Variants in TENT5C observed in about 807,000 individuals in gnomAD.
TENT5C encodes the protein terminal nucleotidyltransferase 5C.
In TENT5C, 5 loss-of-function variants were observed where a neutral mutation model predicts 22.2. The observed-to-expected ratio is 0.22, with a 90% CI of 0.12 to 0.47. TENT5C has a LOEUF of 0.47. Ranked by LOEUF, TENT5C falls within the 20% of genes least tolerant of loss-of-function variation. The probability of loss-of-function intolerance (pLI) is 0.99; values close to 1 mark genes in which losing one functional copy is unlikely to be tolerated. For synonymous variants in TENT5C, 199 were observed against 195.4 expected (o/e 1.02, Z -0.15); for missense variants, 364 against 500.9 (o/e 0.73, Z 2.61).
chr1:117,614,451 C>CTCA (rs909700709), intron 1 of TENT5C, among the ~76,000 whole-genome samples: 2 of 152,156 alleles, frequency 1.3e-5, no homozygotes, highest in African/African-American at 4.8e-5. Context: ...GGTGTCCAGT[C>CTCA]TCAGGTTCAG....
intron 1 of TENT5C, among the ~76,000 whole-genome samples, chr1:117,620,713 G>T (rs1182531133): frequency 1.3e-5 from 2 of 152,138 alleles, no homozygotes; most frequent in Admixed American, 6.5e-5. Flanking sequence ...CATATTAGAT[G>T]CTCCTAGGAG....
rs138953844 is a variant in TENT5C, at chr1:117,623,378, C to G, written c.510C>G (p.Val170=). 3.1e-6 allele frequency: 5 copies of G among 1,614,110 alleles called. No individual in the cohort carries two copies. The South Asian group carries it at 5.5e-5, about 18-fold the overall frequency. ...GGAAGAACGTGGAGCTGAAGTTTGT[C>G]GACTCCATTCGGCGTCAGTTTGAGT... is the stretch of plus-strand genomic sequence containing the variant. ...KNGKNVELKF[V]DSIRRQFEFS... is the part of the protein sequence containing the mutation. Residue 170 remains valine, a synonymous_variant, in exon 2 of 2, where the codon GTC becomes GTG. Transcript: ENST00000369448.
At position 117,623,533 on chromosome 1, in the gene TENT5C, C is replaced by A. The variant is rs754073638; in HGVS notation, c.665C>A (p.Ala222Asp). 3 of 1,613,976 alleles carry A rather than the reference C, an allele frequency of 1.9e-6. No individual in the cohort carries two copies. The highest frequency in any genetic ancestry group is 2.5e-6 in the Non-Finnish European group (3 of 1,180,002). ...GESMYGDFEE[A>D]FDHLQNRLIA... ...AGCATGTACGGGGACTTTGAGGAAGCTTTTGACCATCTGCAGAACAGACTG... is the reference window on the plus strand; with the variant it reads ...AGCATGTACGGGGACTTTGAGGAAGATTTTGACCATCTGCAGAACAGACTG... Residue 222 changes from alanine to aspartate, a missense_variant, in exon 2 of 2, where the codon GCT becomes GAT. Physicochemically the swap from Ala to Asp is moderately radical, Grantham distance 126. Around this residue, in one of 3 missense-constraint regions of TENT5C, gnomAD observed 303 missense variants for 394.5 expected, o/e 0.77. Coordinates refer to ENST00000369448, the MANE Select transcript of TENT5C (RefSeq NM_017709.4).
chr1:117,623,156 T>G lies in TENT5C; in HGVS notation c.288T>G (p.His96Gln), dbSNP rs190981033. The change falls in exon 2 of 2, where the codon CAT (histidine) becomes CAG (glutamine). Residue 96 changes from histidine (H) to glutamine (Q), a missense_variant. Around this residue, in one of 3 missense-constraint regions of TENT5C, gnomAD observed 303 missense variants for 394.5 expected, o/e 0.77. Transcript: ENST00000369448. ...LGCKDLDLIFHVALPTEAEFQ... is the reference protein window; with the variant it reads ...LGCKDLDLIFQVALPTEAEFQ... ...GCAAAGACCTGGACCTAATCTTCCA[T>G]GTGGCTCTTCCAACAGAGGCAGAAT... 1.2e-6 allele frequency: 2 copies of G among 1,614,178 alleles called. No homozygotes were observed. Among genetic ancestry groups the G allele is most frequent in the East Asian group, 2.2e-5 (1 of 44,882 alleles).
intron 1 of TENT5C, among the ~76,000 whole-genome samples, chr1:117,619,324 G>A (rs192752881): frequency 2.6e-5 from 4 of 152,240 alleles, no homozygotes; most frequent in Admixed American, 6.5e-5. Flanking sequence ...AAAATGATAC[G>A]TTGAGGTTTT....
At chr1:117,611,772 A>G (rs1653675824) in intron 1 of TENT5C, among the ~76,000 whole-genome samples, 1 of 152,222 alleles carries the variant, frequency 6.6e-6, no homozygotes, top group Non-Finnish European at 1.5e-5. Context: ...GCTTGAGCCC[A>G]GGAAGTCAAG....
At chr1:117,614,093 G>T (rs551046241) in intron 1 of TENT5C, among the ~76,000 whole-genome samples, 7 of 152,268 alleles carry the variant, frequency 4.6e-5, no homozygotes. Context: ...TAACTTTCAT[G>T]TGTTTGGGGC....
At chr1:117,606,880 A>G (rs1370400294) in intron 1 of TENT5C, among the ~76,000 whole-genome samples, 1 of 152,184 alleles carries the variant, frequency 6.6e-6, no homozygotes, top group Non-Finnish European at 1.5e-5. Flanking sequence ...TCTCTCAGAA[A>G]CTTCTTGGGA....
chr1:117,610,199 C>T (rs1428816388), intron 1 of TENT5C, among the ~76,000 whole-genome samples: 1 of 152,094 alleles, frequency 6.6e-6, no homozygotes, highest in Non-Finnish European at 1.5e-5. Context: ...GTGAGTCCGC[C>T]TCCCCTGCCT....
Position 117,625,105 on chromosome 1 carries a change from G to GC in TENT5C, c.*1061_*1062insC. 1 of 220,768 alleles carries GC rather than the reference G, an allele frequency of 4.5e-6. No individual in the cohort carries two copies. Among genetic ancestry groups the GC allele is most frequent in the Non-Finnish European group, 9.5e-6 (1 of 105,702 alleles). 13.7% of individuals were successfully genotyped at this position (220,768 alleles called of 1,614,324 possible). A position where few individuals can be genotyped will look rare whatever the true frequency, so the allele number is the denominator to read the frequency against. ...GCTATTTTTTGTTTTTGTTCTTTTC[G>GC]TTTTTTTTTTTTCCAAAAATAGTGA... On this transcript the variant is annotated 3_prime_UTR_variant, in exon 2 of 2. Coordinates refer to ENST00000369448, the MANE Select transcript of TENT5C (RefSeq NM_017709.4).
chr1:117,610,062 A>C (rs1478924311), intron 1 of TENT5C, among the ~76,000 whole-genome samples: 4 of 151,994 alleles, frequency 2.6e-5, no homozygotes, highest in African/African-American at 9.7e-5. Context: ...TGGCTCACTC[A>C]GCCTTTTCTC....
chr1:117,622,131 C>T lies in TENT5C; in HGVS notation c.-27-711C>T, dbSNP rs116997164. 1.5e-4 allele frequency among the ~76,000 whole-genome samples: 23 copies of T among 152,272 alleles called. No individual in the cohort carries two copies. In the East Asian group the frequency reaches 4.0e-3, roughly 27 times the overall value. On this transcript the variant is annotated intron_variant, in intron 1 of 1. Coordinates refer to ENST00000369448, the MANE Select transcript of TENT5C (RefSeq NM_017709.4). ...TTGACTCGAAATTTTGTCATAAAAA[C>T]CACTCCTTGGTTCTACCCTAGATGA...
intron 1 of TENT5C, among the ~76,000 whole-genome samples, chr1:117,608,782 A>G (rs1309706122): frequency 7.3e-6 from 1 of 136,746 alleles, no homozygotes; most frequent in Non-Finnish European, 1.5e-5. Context: ...TTTTTTTTGC[A>G]TTACTGAGAG....
chr1:117,617,136 C>T (rs1362400257), intron 1 of TENT5C, among the ~76,000 whole-genome samples: 2 of 152,132 alleles, frequency 1.3e-5, no homozygotes, highest in East Asian at 1.9e-4. Flanking sequence ...ACACTTTCAT[C>T]GTGTTTCTGG....
At position 117,627,180 on chromosome 1, in the gene TENT5C, T is replaced by C. The variant is rs1396199240; in HGVS notation, c.*3136T>C. On this transcript the variant is annotated 3_prime_UTR_variant, in exon 2 of 2. Transcript: ENST00000369448. ...TCCTGATAGATGCTACAGATGTAGT[T>C]TGGCATTTCAGTTTTTGTCCAGTTT... is the stretch of plus-strand genomic sequence containing the variant. The C allele has an allele frequency of 4.0e-6, 1 of 248,226 alleles. No homozygotes were observed. The highest frequency in any genetic ancestry group is 8.5e-6 in the Non-Finnish European group (1 of 118,136). The allele number at this position is 248,226 out of a possible 1,614,324, so 15.4% of individuals were successfully genotyped here. A position where few individuals can be genotyped will look rare whatever the true frequency, so the allele number is the denominator to read the frequency against.
intron 1 of TENT5C, among the ~76,000 whole-genome samples, chr1:117,614,880 T>G (rs918448265): frequency 6.6e-6 from 1 of 152,214 alleles, no homozygotes; most frequent in African/African-American, 2.4e-5. Context: ...TCTTCTGGAC[T>G]TGGTTTCTCT....
rs560957328 is a variant in TENT5C at position 117,624,108 on chromosome 1, G to A, written c.*64G>A. 1.0e-4 allele frequency: 144 copies of A among 1,398,276 alleles called. 3 individuals carry two copies. In the South Asian group the frequency reaches 1.7e-3, roughly 17 times the overall value. The allele number at this position is 1,398,276 out of a possible 1,614,324, so 86.6% of individuals were successfully genotyped here. Reference sequence around the variant, plus strand: ...AGGGCTAGGGCTCTCAGGTAGGGGAGCCTCCTTCTAGATGTAGGCATTTGG... The same window carrying A: ...AGGGCTAGGGCTCTCAGGTAGGGGAACCTCCTTCTAGATGTAGGCATTTGG... On this transcript the variant is annotated 3_prime_UTR_variant, in exon 2 of 2. Coordinates refer to ENST00000369448, the MANE Select transcript of TENT5C (RefSeq NM_017709.4).
At chr1:117,610,377 C>T (rs75715616) in intron 1 of TENT5C, among the ~76,000 whole-genome samples, 2,133 of 152,272 alleles carry the variant, frequency 0.014, 50 homozygotes, top group African/African-American at 0.047. Context: ...CCTTCTTTGC[C>T]TCACAGAACA....
At chr1:117,608,763 C>CTTTTTTTTTTT (rs5777320) in intron 1 of TENT5C, among the ~76,000 whole-genome samples, 2 of 138,782 alleles carry the variant, frequency 1.4e-5, no homozygotes, top group Non-Finnish European at 1.6e-5. Flanking sequence ...TGAGTTGAAC[C>CTTTTTTTTTTT]TTTTTTTTTT....
Sources: gnomAD v4.1 joint callset for allele counts (sites outside exome capture counted in the v4.1 genomes callset) on GRCh38, gnomAD v4.1.1 for gene constraint, gnomAD v4.1.1 regional missense constraint, MANE v1.5 for transcripts, NCBI Gene and HGNC (gene_info 2026-07-23, HGNC 2026-07-21) for gene names.